The following FCHO2 variants were observed in gnomAD, a reference collection of about 807,000 sequenced individuals.
The protein encoded by FCHO2 is FCH and mu domain containing endocytic adaptor 2.
FCHO2 carries 43 observed loss-of-function variants against 114.1 expected under a neutral mutation model. The ratio of observed to expected loss-of-function variants is 0.38; its 90% CI spans 0.30 to 0.49. FCHO2 has a LOEUF of 0.49. Ranked by LOEUF, FCHO2 falls within the 20% of genes least tolerant of loss-of-function variation. The probability of loss-of-function intolerance (pLI) is 0.97; values close to 1 mark genes in which losing one functional copy is unlikely to be tolerated. For synonymous variants in FCHO2, 293 were observed against 315.2 expected (o/e 0.93, Z 0.75); for missense variants, 807 against 950.4 (o/e 0.85, Z 1.98).
At chr5:73,077,885 A>G (rs12173107) in intron 21 of FCHO2, among the ~76,000 whole-genome samples, 4 of 152,048 alleles carry the variant, frequency 2.6e-5, no homozygotes, top group African/African-American at 9.6e-5. Context: ...CTTTGAAATA[A>G]TAATATTCAA....
Position 73,058,423 on chromosome 5 carries a change from A to G in FCHO2, c.1254-10A>G. On this transcript the variant is annotated splice_polypyrimidine_tract_variant and intron_variant, in intron 16 of 25. Coordinates refer to ENST00000430046, the MANE Select transcript of FCHO2 (RefSeq NM_138782.3). The stretch of plus-strand genomic sequence containing the variant: ...CGTTAAAATTTTTGCTTTTAAAAAT[A>G]TTATGGTAGAAAAGGAACCAGTGAT... 1.3e-6 allele frequency: 2 copies of G among 1,527,316 alleles called. No individual in the cohort carries two copies. The highest frequency in any genetic ancestry group is 2.2e-5 in the Admixed American group (1 of 46,166). 94.6% of individuals were successfully genotyped at this position (1,527,316 alleles called of 1,614,324 possible). A position where few individuals can be genotyped will look rare whatever the true frequency, so the allele number is the denominator to read the frequency against.
In FCHO2 at chr5:73,017,258, G is replaced by T. The variant is rs1755354309; in HGVS notation, c.746G>T (p.Ser249Ile). The T allele has an allele frequency of 1.3e-6, 2 of 1,565,856 alleles. No individual in the cohort carries two copies. The highest frequency in any genetic ancestry group is 2.7e-5 in the African/African-American group (2 of 73,556). Residue 249 changes from serine to isoleucine, a missense_variant, in exon 8 of 26, where the codon AGT (serine) becomes ATT (isoleucine). Physicochemically the swap from Ser to Ile is moderately radical, Grantham distance 142 (BLOSUM62 -2). Coordinates refer to ENST00000430046, the MANE Select transcript of FCHO2 (RefSeq NM_138782.3). Reference sequence around the variant, plus strand: ...AACATGGCTAATACTACAGTTGAAAGTTTGATACAAAAATTTGCTGAGTCA... The same window carrying T: ...AACATGGCTAATACTACAGTTGAAATTTTGATACAAAAATTTGCTGAGTCA... ...INNMANTTVE[S>I]LIQKFAESKG...
At chr5:73,003,243 G>A (rs1013524737) in intron 5 of FCHO2, among the ~76,000 whole-genome samples, 2 of 152,032 alleles carry the variant, frequency 1.3e-5, no homozygotes, top group Non-Finnish European at 2.9e-5. Flanking sequence ...CGAACTCCTG[G>A]GCTCAAACTA....
At chr5:73,013,075 T>TA (rs1202793103) in intron 6 of FCHO2, among the ~76,000 whole-genome samples, 2 of 152,230 alleles carry the variant, frequency 1.3e-5, no homozygotes, top group Non-Finnish European at 2.9e-5. Context: ...ATCCTTCTAG[T>TA]AAATGCTCCT....
At chr5:73,024,251 A>C (rs531216763) in intron 8 of FCHO2, among the ~76,000 whole-genome samples, 146 of 151,996 alleles carry the variant, frequency 9.6e-4, no homozygotes, top group Non-Finnish European at 1.9e-3. Context: ...TAGTGGAGAC[A>C]GAATCTTACT....
intron 19 of FCHO2, 60 bp from the exon 20 acceptor site, chr5:73,074,681 AT>A: frequency 6.9e-7 from 1 of 1,448,212 alleles, no homozygotes; most frequent in Non-Finnish European, 9.5e-7. Context: ...GAATCTAACT[AT>A]CTTGATATTT....
chr5:73,037,634 A>G (rs1756585957), intron 10 of FCHO2: 3 of 217,346 alleles, frequency 1.4e-5, no homozygotes, highest in African/African-American at 2.4e-5. Context: ...GCACATGGTG[A>G]TACCTATACA....
At position 73,090,271 on chromosome 5, in the gene FCHO2, G is replaced by T. The variant is rs566215582; in HGVS notation, c.*2181G>T. 1 of 152,504 alleles carries T rather than the reference G, an allele frequency of 6.6e-6. No individual in the cohort carries two copies. Among genetic ancestry groups the T allele is most frequent in the South Asian group, 2.1e-4 (1 of 4,826 alleles). 9.4% of individuals were successfully genotyped at this position (152,504 alleles called of 1,614,324 possible). Reference sequence around the variant, plus strand: ...AAAAGAGACCAGTAGATTTTCAATGGGAAATGTACCTAGCAAGCTGGTTCT... The same window carrying T: ...AAAAGAGACCAGTAGATTTTCAATGTGAAATGTACCTAGCAAGCTGGTTCT... On this transcript the variant is annotated 3_prime_UTR_variant, in exon 26 of 26. Transcript: ENST00000430046.
chr5:72,963,018 A>T (rs996507069), intron 1 of FCHO2, among the ~76,000 whole-genome samples: 5 of 152,186 alleles, frequency 3.3e-5, no homozygotes, highest in Admixed American at 2.6e-4. Context: ...ACCTGTAATG[A>T]TATCTACTAT....
At chr5:72,977,376 G>C (rs1466094319) in intron 2 of FCHO2, among the ~76,000 whole-genome samples, 2 of 152,196 alleles carry the variant, frequency 1.3e-5, no homozygotes, top group Admixed American at 6.5e-5. Context: ...CTAATGACCA[G>C]TGATGATGAG....
At chr5:73,056,340 G>T (rs534523944) in intron 16 of FCHO2, among the ~76,000 whole-genome samples, 2 of 152,120 alleles carry the variant, frequency 1.3e-5, no homozygotes, top group Non-Finnish European at 2.9e-5. Context: ...TTACATTAGG[G>T]TTCATTCTTG....
At chr5:72,977,403 C>T (rs1329756544) in intron 2 of FCHO2, among the ~76,000 whole-genome samples, 6 of 152,046 alleles carry the variant, frequency 3.9e-5, no homozygotes, top group Admixed American at 1.3e-4. Flanking sequence ...CTCTTATGTT[C>T]GTTGGCTGCA....
chr5:72,998,443 A>C (rs1214828748), intron 5 of FCHO2, among the ~76,000 whole-genome samples: 1 of 151,852 alleles, frequency 6.6e-6, no homozygotes, highest in Non-Finnish European at 1.5e-5. Context: ...GCCGAGATCG[A>C]GCCACTGCAC....
At chr5:73,013,838 A>G (rs778488698) in intron 6 of FCHO2, among the ~76,000 whole-genome samples, 3 of 152,234 alleles carry the variant, frequency 2.0e-5, no homozygotes, top group South Asian at 2.1e-4. Context: ...GGCATGCGCC[A>G]CCATGCCTGG....
chr5:73,051,715 C>T (rs958849147), intron 12 of FCHO2, among the ~76,000 whole-genome samples: 8 of 151,522 alleles, frequency 5.3e-5, no homozygotes, highest in Admixed American at 4.6e-4. Context: ...TACAGGCATG[C>T]GCACCATGCC....
chr5:72,964,921 C>G (rs930544888), intron 1 of FCHO2, among the ~76,000 whole-genome samples: 1 of 151,854 alleles, frequency 6.6e-6, no homozygotes, highest in African/African-American at 2.4e-5. Context: ...GTTTGGTATG[C>G]GAATCATCCC....
At chr5:72,989,554 G>C (rs1052546478) in intron 3 of FCHO2, 53 bp downstream of exon 3, 2 of 1,440,662 alleles carry the variant, frequency 1.4e-6, no homozygotes, top group African/African-American at 1.4e-5. Flanking sequence ...AGTTCTTAAG[G>C]ATTCTAGGTT....
At chr5:72,985,626 G>A (rs1486261668) in intron 2 of FCHO2, among the ~76,000 whole-genome samples, 1 of 151,858 alleles carries the variant, frequency 6.6e-6, no homozygotes, top group Middle Eastern at 3.2e-3. Flanking sequence ...ATTTTTGCTG[G>A]GTATGGAATT....
At chr5:72,960,548 A>G (rs1579993339) in intron 1 of FCHO2, among the ~76,000 whole-genome samples, 1 of 152,274 alleles carries the variant, frequency 6.6e-6, no homozygotes, top group East Asian at 1.9e-4. Context: ...AGATATTATA[A>G]AAGATTATGT....
Sources: allele counts gnomAD v4.1 joint callset (sites outside exome capture counted in the v4.1 genomes callset), GRCh38; gene constraint gnomAD v4.1.1; transcripts MANE v1.5; gene names NCBI Gene and HGNC (gene_info 2026-07-23, HGNC 2026-07-21).